The following TCIRG1 variants were observed in gnomAD, a reference collection of about 807,000 sequenced individuals.
The protein encoded by TCIRG1 is V-type proton ATPase 116 kDa subunit a 3.
In TCIRG1, 86 loss-of-function variants were observed where a neutral mutation model predicts 95.5. The ratio of observed to expected loss-of-function variants is 0.90; its 90% CI spans 0.76 to 1.08. TCIRG1 has a LOEUF of 1.08. Ranked by LOEUF, TCIRG1 falls within the 50% of genes least tolerant of loss-of-function variation. TCIRG1 has a pLI of 0.00. For synonymous variants in TCIRG1, 499 were observed against 501.3 expected (o/e 1.00, Z 0.06); for missense variants, 1,069 against 1,140.2 (o/e 0.94, Z 0.90).
intron 2 of TCIRG1, among the ~76,000 whole-genome samples, 166 bp downstream of exon 2, chr11:68,041,554 C>T (rs1048500502): frequency 1.3e-5 from 2 of 152,236 alleles, no homozygotes; most frequent in Non-Finnish European, 2.9e-5. Flanking sequence ...GCTGAGGCCC[C>T]TGAGCTGGCT....
rs747745829 is a variant in TCIRG1 at position 68,047,874 on chromosome 11, T to G, written c.1464-8T>G. ...CAGCCCTGACCGCCCTCCCCTGCGT[T>G]GCCGCAGTGATGCATTCCTGGCCCA... On this transcript the variant is annotated splice_polypyrimidine_tract_variant and splice_region_variant and intron_variant, in intron 12 of 19. Coordinates refer to ENST00000265686, the MANE Select transcript of TCIRG1 (RefSeq NM_006019.4). 17 of 1,613,320 alleles carry G rather than the reference T, an allele frequency of 1.1e-5. No individual in the cohort carries two copies. In the East Asian group the frequency reaches 3.8e-4, roughly 36 times the overall value.
chr11:68,051,696 C>T (rs1232061069), downstream of TCIRG1, among the ~76,000 whole-genome samples: 4 of 152,212 alleles, frequency 2.6e-5, no homozygotes, highest in Non-Finnish European at 5.9e-5. Context: ...TCCACATGCC[C>T]AGCAGATTCA....
chr11:68,049,273 C>T lies in TCIRG1; in HGVS notation c.1866C>T (p.Asn622=). 6.2e-7 allele frequency: 1 copy of T among 1,612,014 alleles called. No individual in the cohort carries two copies. The highest frequency in any genetic ancestry group is 8.5e-7 in the Non-Finnish European group (1 of 1,179,190). ...TCCTCTTCTCCCACAGCCCCAGCAACAGGCTGCTCTACCCCCGGCAGGTGG... is the reference window on the plus strand; with the variant it reads ...TCCTCTTCTCCCACAGCCCCAGCAATAGGCTGCTCTACCCCCGGCAGGTGG... ...NMFLFSHSPS[N]RLLYPRQEVV... is the part of the protein sequence containing the mutation. Residue 622 remains asparagine (N), a synonymous_variant, in exon 15 of 20, where the codon AAC becomes AAT. Coordinates refer to ENST00000265686, the MANE Select transcript of TCIRG1 (RefSeq NM_006019.4).
chr11:68,047,260 C>A (rs1037952339), intron 10 of TCIRG1, among the ~76,000 whole-genome samples, 173 bp from the exon 11 acceptor site: 5 of 104,460 alleles, frequency 4.8e-5, no homozygotes, highest in Middle Eastern at 3.9e-3. Flanking sequence ...ATGCCCCCCC[C>A]CCCCCCCGTC....
rs576389893 is a variant in TCIRG1 at position 68,049,125 on chromosome 11, A to G, written c.1718A>G (p.Glu573Gly). The G allele has an allele frequency of 3.3e-5, 53 of 1,613,748 alleles. No individual in the cohort carries two copies. In the South Asian group the frequency reaches 4.3e-4, roughly 13 times the overall value. The stretch of plus-strand genomic sequence containing the variant: ...CGGCTGCTGCTGGAGACGCTGCCGG[A>G]GCTCACCTTCCTGCTGGGACTCTTC... The part of the protein sequence containing the change: ...RHRLLLETLP[E>G]LTFLLGLFGY... The change falls in exon 15 of 20, where the codon GAG becomes GGG. Residue 573 changes from glutamate (E) to glycine (G), a missense_variant. Glu to Gly is a moderately conservative substitution (Grantham distance 98). Transcript: ENST00000265686.
chr11:68,043,679 A>C, intron 7 of TCIRG1, 26 bp downstream of exon 7: 1 of 1,582,060 alleles, frequency 6.3e-7, no homozygotes, highest in Non-Finnish European at 8.6e-7. Flanking sequence ...CACCCGCCCC[A>C]CCGCCCTGCT....
At chr11:68,046,453 A>G (rs1855490510) in intron 10 of TCIRG1, among the ~76,000 whole-genome samples, 1 of 152,156 alleles carries the variant, frequency 6.6e-6, no homozygotes. Flanking sequence ...GGCCGTCCTC[A>G]TCTTCACACA....
At chr11:68,042,534 A>C (rs192007483) in intron 3 of TCIRG1, 109 bp from the exon 4 acceptor site, 1 of 911,078 alleles carries the variant, frequency 1.1e-6, no homozygotes, top group South Asian at 1.6e-5. Flanking sequence ...GGCCACCTCC[A>C]CCTGGTGAAT....
At chr11:68,049,908 G>T in intron 16 of TCIRG1, 54 bp from the exon 17 acceptor site, 1 of 1,567,762 alleles carries the variant, frequency 6.4e-7, no homozygotes, top group Non-Finnish European at 8.6e-7. Context: ...CTGGCGGGTG[G>T]TGGGGGACCT....
intron 10 of TCIRG1, 148 bp downstream of exon 10, chr11:68,045,250 G>GCAGAGCCCAACAGCCCC: frequency 9.7e-7 from 1 of 1,025,928 alleles, no homozygotes; most frequent in Non-Finnish European, 1.4e-6. Flanking sequence ...TCAAGGGGCT[G>GCAGAGCCCAACAGCCCC]TTGGGCTCTG....
chr11:68,040,226 G>C (rs928715103), intron 1 of TCIRG1, among the ~76,000 whole-genome samples: 7 of 152,210 alleles, frequency 4.6e-5, no homozygotes, highest in African/African-American at 1.7e-4. Flanking sequence ...GAGGCACAGA[G>C]AGGGTGAGAG....
At chr11:68,045,902 C>G (rs1855459094) in intron 10 of TCIRG1, among the ~76,000 whole-genome samples, 1 of 152,184 alleles carries the variant, frequency 6.6e-6, no homozygotes, top group Admixed American at 6.5e-5. Context: ...TGGGCTCCAC[C>G]ACATCACACC....
chr11:68,049,255 C>T lies in TCIRG1; in HGVS notation c.1848C>T (p.Phe616=). ...TCCACTTCATCAACATGTTCCTCTTCTCCCACAGCCCCAGCAACAGGCTGC... is the reference window on the plus strand; with the variant it reads ...TCCACTTCATCAACATGTTCCTCTTTTCCCACAGCCCCAGCAACAGGCTGC... ...ILIHFINMFL[F]SHSPSNRLLY... is the part of the protein sequence containing the mutation. Residue 616 remains phenylalanine (F), a synonymous_variant, in exon 15 of 20, where the codon TTC becomes TTT. Coordinates refer to ENST00000265686, the MANE Select transcript of TCIRG1 (RefSeq NM_006019.4). 1.2e-6 allele frequency: 2 copies of T among 1,613,144 alleles called. No individual in the cohort carries two copies. Among genetic ancestry groups the T allele is most frequent in the Non-Finnish European group, 1.7e-6 (2 of 1,179,682 alleles).
Position 68,044,334 on chromosome 11 carries a change from G to GGGACAGCTCGGTGAGCAGCCTGA in TCIRG1, c.1013_1020+15dup. The GGGACAGCTCGGTGAGCAGCCTGA allele has an allele frequency of 6.3e-7, 1 of 1,584,544 alleles. No individual in the cohort carries two copies. The highest frequency in any genetic ancestry group is 2.3e-5 in the East Asian group (1 of 43,742). On this transcript the variant is annotated frameshift_variant, in exon 9 of 20. Coordinates refer to ENST00000265686, the MANE Select transcript of TCIRG1 (RefSeq NM_006019.4). LOFTEE classifies it high-confidence loss of function. Reference sequence around the variant, plus strand: ...CTGCCCGCCCTGCAGGAGGCCCTGCGGGACAGCTCGGTGAGCAGCCTGAGG... The same window carrying GGGACAGCTCGGTGAGCAGCCTGA: ...CTGCCCGCCCTGCAGGAGGCCCTGCGGGACAGCTCGGTGAGCAGCCTGAGGACAGCTCGGTGAGCAGCCTGAGG...
At chr11:68,043,768 G>C (rs756816782) in intron 7 of TCIRG1, 46 bp from the exon 8 acceptor site, 10 of 1,546,368 alleles carry the variant, frequency 6.5e-6, no homozygotes, top group Admixed American at 3.9e-5. Flanking sequence ...TCAGAGTCTC[G>C]TAGCTGTGTC....
At chr11:68,044,844 G>A in intron 9 of TCIRG1, 114 bp from the exon 10 acceptor site, 2 of 1,347,736 alleles carry the variant, frequency 1.5e-6, no homozygotes, top group Non-Finnish European at 2.1e-6. Flanking sequence ...AGGGGAAGGG[G>A]CTGCCCAGTG....
chr11:68,044,698 G>A (rs994530775), intron 9 of TCIRG1: 15 of 596,858 alleles, frequency 2.5e-5, no homozygotes, highest in African/African-American at 9.3e-5. Context: ...AGGTGCTTGC[G>A]GGTGAGGCTG....
intron 10 of TCIRG1, among the ~76,000 whole-genome samples, chr11:68,046,508 C>T (rs905964644): frequency 6.6e-6 from 1 of 152,142 alleles, no homozygotes; most frequent in Non-Finnish European, 1.5e-5. Context: ...TTCATAAGGA[C>T]ATCGGGCACA....
At chr11:68,053,582 G>A (rs1182429045), downstream of TCIRG1, 1 of 186,644 alleles carries the variant, frequency 5.4e-6, no homozygotes, top group Non-Finnish European at 1.1e-5. Context: ...ATCTACAAAA[G>A]CCTGGTCACA....
Sources: allele counts gnomAD v4.1 joint callset (sites outside exome capture counted in the v4.1 genomes callset), GRCh38; gene constraint gnomAD v4.1.1; transcripts MANE v1.5; gene names NCBI Gene and HGNC (gene_info 2026-07-23, HGNC 2026-07-21).